CUBN: variants seen among roughly 807,000 people sequenced by gnomAD.
CUBN encodes 460 kDa receptor.
In CUBN, 282 loss-of-function variants were observed where a neutral mutation model predicts 405.3. The observed-to-expected ratio is 0.70, with a 90% confidence interval of 0.63 to 0.77. The LOEUF is 0.77. Among genes scored for constraint, CUBN ranks in the 30% least tolerant of loss-of-function variants. The probability of loss-of-function intolerance (pLI) is 0.00; values close to 1 mark genes in which losing one functional copy is unlikely to be tolerated. For missense variants in CUBN, 4,514 were observed against 4,475.2 expected, an observed-to-expected ratio of 1.01 and a Z score of -0.25; for synonymous variants, 1,684 against 1,617.0, an observed-to-expected ratio of 1.04 and a Z score of -0.99.
intron 51 of CUBN, among the ~76,000 whole-genome samples, chr10:16,903,737 T>C (rs563578158): frequency 4.7e-5 from 7 of 148,798 alleles, no homozygotes; most frequent in Non-Finnish European, 1.0e-4. Flanking sequence ...CAGTTTATTA[T>C]TGAATAATTT....
chr10:16,857,620 C>A (rs1839899183), intron 59 of CUBN, among the ~76,000 whole-genome samples: 1 of 152,022 alleles, frequency 6.6e-6, no homozygotes, highest in Non-Finnish European at 1.5e-5. Context: ...TGACAAAATC[C>A]AACACACATT....
chr10:17,092,742 G>A (rs1315855522), intron 14 of CUBN, among the ~76,000 whole-genome samples: 2 of 152,078 alleles, frequency 1.3e-5, no homozygotes, highest in Non-Finnish European at 2.9e-5. Flanking sequence ...TCCAGGAATT[G>A]CCCACCTCTT....
At chr10:16,928,414 C>G in intron 40 of CUBN, 111 bp from the exon 41 acceptor site, 4 of 1,155,028 alleles carry the variant, frequency 3.5e-6, no homozygotes, top group Non-Finnish European at 2.5e-6. Flanking sequence ...CATCAGGACT[C>G]GTAGGAGATA....
chr10:16,954,476 T>G lies in CUBN; in HGVS notation c.4768A>C (p.Ile1590Leu). The stretch of plus-strand genomic sequence containing the variant: ...AAGAGGCTGTTTCCTGAGGAGACGA[T>G]GGGGTTAGCCAGCTGCTCCCTTCCA... ...TCGREQLANP[I>L]VSSGNSLFLR... is the part of the protein sequence containing the mutation. Residue 1590 changes from isoleucine to leucine, a missense_variant, in exon 32 of 67, where the codon ATC (isoleucine) becomes CTC (leucine). Around this residue, in one of 5 missense-constraint regions of CUBN, gnomAD observed 1,613 missense variants for 1,542.8 expected, o/e 1.05. Coordinates refer to ENST00000377833, the MANE Select transcript of CUBN (RefSeq NM_001081.4). 1 of 1,614,042 alleles carries G rather than the reference T, an allele frequency of 6.2e-7. No individual in the cohort carries two copies. Among genetic ancestry groups the G allele is most frequent in the Non-Finnish European group, 8.5e-7 (1 of 1,180,014 alleles).
At chr10:16,971,048 G>A (rs1588534927) in intron 31 of CUBN, among the ~76,000 whole-genome samples, 1 of 152,058 alleles carries the variant, frequency 6.6e-6, no homozygotes, top group African/African-American at 2.4e-5. Context: ...AGGATGGCTG[G>A]TCCCATTCCA....
intron 41 of CUBN, among the ~76,000 whole-genome samples, chr10:16,926,974 C>T (rs1259568755): frequency 6.6e-6 from 1 of 151,846 alleles, no homozygotes; most frequent in Non-Finnish European, 1.5e-5. Flanking sequence ...ATCCCTCATA[C>T]CCCACCCATC....
chr10:16,874,818 C>T (rs1189261968), intron 57 of CUBN, among the ~76,000 whole-genome samples: 1 of 152,098 alleles, frequency 6.6e-6, no homozygotes, highest in African/African-American at 2.4e-5. Flanking sequence ...CATCACTTAG[C>T]TGTATTTCAT....
chr10:16,961,774 G>C (rs6602168), intron 31 of CUBN, among the ~76,000 whole-genome samples: 140,222 of 145,730 alleles, frequency 0.96, 67,677 homozygotes, highest in Middle Eastern at 0.99. Context: ...TGCAGTGGCG[G>C]GATCTCGACT....
intron 28 of CUBN, among the ~76,000 whole-genome samples, 157 bp downstream of exon 28, chr10:17,019,676 A>G (rs1294567841): frequency 1.3e-5 from 2 of 152,180 alleles, no homozygotes; most frequent in Non-Finnish European, 2.9e-5. Context: ...TCCAAGTTCC[A>G]CCAATATCTA....
chr10:16,828,187 T>A (rs1838850158), intron 66 of CUBN, among the ~76,000 whole-genome samples: 1 of 151,856 alleles, frequency 6.6e-6, no homozygotes, highest in Non-Finnish European at 1.5e-5. Context: ...AAAAACAGCG[T>A]GCTGTGACTC....
chr10:17,088,898 T>A (rs1183573630), intron 14 of CUBN, among the ~76,000 whole-genome samples: 1 of 152,234 alleles, frequency 6.6e-6, no homozygotes, highest in African/African-American at 2.4e-5. Context: ...AGTGAGGGAC[T>A]GAGCCAGGCT....
intron 22 of CUBN, among the ~76,000 whole-genome samples, chr10:17,047,865 T>TA (rs1261636497): frequency 2.6e-5 from 4 of 152,202 alleles, no homozygotes; most frequent in East Asian, 1.9e-4. Context: ...TTGAAAGTGT[T>TA]ACGTTTTTCT....
intron 48 of CUBN, among the ~76,000 whole-genome samples, chr10:16,908,834 C>T (rs1205601752): frequency 6.7e-6 from 1 of 150,028 alleles, no homozygotes; most frequent in Non-Finnish European, 1.5e-5. Flanking sequence ...AACAGTTATG[C>T]AGAAGGAGAA....
At chr10:17,009,624 C>T (rs1028465246) in intron 28 of CUBN, among the ~76,000 whole-genome samples, 9 of 152,048 alleles carry the variant, frequency 5.9e-5, no homozygotes, top group Admixed American at 1.3e-4. Context: ...CCTGACTGTA[C>T]GGATGAATCA....
chr10:16,890,913 T>C (rs112265685), intron 54 of CUBN, among the ~76,000 whole-genome samples: 2,352 of 152,274 alleles, frequency 0.015, 67 homozygotes, highest in African/African-American at 0.054. Flanking sequence ...AGATAGCAGA[T>C]TGTGGTCACA....
chr10:17,078,527 T>C (rs184526481), intron 17 of CUBN, among the ~76,000 whole-genome samples: 27 of 152,330 alleles, frequency 1.8e-4, no homozygotes, highest in Admixed American at 1.6e-3. Flanking sequence ...CAGTACTGTT[T>C]CTTTCCTGCC....
chr10:17,110,315 G>A (rs1308093798), intron 9 of CUBN, among the ~76,000 whole-genome samples: 1 of 152,074 alleles, frequency 6.6e-6, no homozygotes, highest in Admixed American at 6.5e-5. Context: ...TATTCGTGAG[G>A]GCAATGGAAC....
At chr10:17,017,623 A>ATAGGCC (rs1834367207) in intron 28 of CUBN, among the ~76,000 whole-genome samples, 1 of 151,968 alleles carries the variant, frequency 6.6e-6, no homozygotes, top group Non-Finnish European at 1.5e-5. Flanking sequence ...AGGAATAGCT[A>ATAGGCC]TTGATAGGCC....
chr10:16,957,962 T>C (rs1377155073), intron 31 of CUBN, among the ~76,000 whole-genome samples: 4 of 152,030 alleles, frequency 2.6e-5, no homozygotes, highest in African/African-American at 9.7e-5. Context: ...AAGACTCTTC[T>C]GGTTTTAAAA....
Sources: gnomAD v4.1 joint callset for allele counts (sites outside exome capture counted in the v4.1 genomes callset) on GRCh38, gnomAD v4.1.1 for gene constraint, gnomAD v4.1.1 regional missense constraint, MANE v1.5 for transcripts, NCBI Gene and HGNC (gene_info 2026-07-23, HGNC 2026-07-21) for gene names.